CSMD1: variants seen among roughly 807,000 people sequenced by gnomAD.
CSMD1 encodes CUB and sushi domain-containing protein 1.
A neutral mutation model predicts 417.5 loss-of-function variants in CSMD1; 213 were observed. That is an observed-to-expected ratio of 0.51 (90% CI 0.46 to 0.57). CSMD1 has a LOEUF of 0.57. Ranked by LOEUF, CSMD1 falls within the 20% of genes least tolerant of loss-of-function variation. The pLI, the probability that CSMD1 is intolerant of heterozygous loss-of-function variation, is 0.00. For missense variants in CSMD1, 6,923 were observed against 4,529.7 expected (o/e 1.53, Z -15.17); for synonymous variants, 2,862 against 1,736.8 (o/e 1.65, Z -16.11).
chr8:4,693,186 G>A (rs953154373), intron 1 of CSMD1, among the ~76,000 whole-genome samples: 1 of 152,208 alleles, frequency 6.6e-6, no homozygotes, highest in East Asian at 1.9e-4. Context: ...CAGTGTTTCA[G>A]TAATGAAATG....
chr8:3,234,615 C>A (rs766695319), intron 26 of CSMD1, among the ~76,000 whole-genome samples: 1 of 152,170 alleles, frequency 6.6e-6, no homozygotes, highest in South Asian at 2.1e-4. Flanking sequence ...GCTGCAAAGA[C>A]TGGAACACAG....
intron 1 of CSMD1, among the ~76,000 whole-genome samples, chr8:4,780,573 T>G (rs1797103968): frequency 6.7e-6 from 1 of 149,450 alleles, no homozygotes; most frequent in African/African-American, 2.4e-5. Flanking sequence ...TTATTTATAT[T>G]TATTTTTTTC....
chr8:4,007,024 G>C (rs1259915222), intron 4 of CSMD1, among the ~76,000 whole-genome samples: 2 of 151,814 alleles, frequency 1.3e-5, no homozygotes, highest in Non-Finnish European at 2.9e-5. Context: ...ATTTTTAGTA[G>C]AGACGGGGTT....
intron 1 of CSMD1, among the ~76,000 whole-genome samples, chr8:4,883,864 G>C (rs1803564176): frequency 6.6e-6 from 1 of 151,918 alleles, no homozygotes; most frequent in Non-Finnish European, 1.5e-5. Context: ...TGAAATTTCT[G>C]GGTCATATGG....
chr8:4,111,555 G>A (rs1438917885), intron 3 of CSMD1, among the ~76,000 whole-genome samples: 2 of 152,140 alleles, frequency 1.3e-5, no homozygotes, highest in Non-Finnish European at 2.9e-5. Context: ...TAAAGAAAAT[G>A]CAGTTCACAT....
intron 3 of CSMD1, among the ~76,000 whole-genome samples, chr8:4,256,653 C>A (rs1803474332): frequency 1.3e-5 from 2 of 152,164 alleles, no homozygotes; most frequent in Admixed American, 1.3e-4. Flanking sequence ...CCCCAAGTCA[C>A]AGATGGCTAA....
chr8:3,405,891 T>C (rs918226512), intron 15 of CSMD1, 136 bp downstream of exon 15: 8 of 755,116 alleles, frequency 1.1e-5, no homozygotes, highest in Non-Finnish European at 1.5e-5. Flanking sequence ...TGTACACTCC[T>C]GTTGGTTAAG....
intron 3 of CSMD1, among the ~76,000 whole-genome samples, chr8:4,224,158 A>G (rs370347696): frequency 2.0e-4 from 31 of 152,268 alleles, no homozygotes; most frequent in Middle Eastern, 3.4e-3. Flanking sequence ...CGCTTACTAC[A>G]CATAATCACA....
intron 32 of CSMD1, among the ~76,000 whole-genome samples, chr8:3,200,012 G>C (rs1796910617): frequency 6.6e-6 from 1 of 152,114 alleles, no homozygotes; most frequent in South Asian, 2.1e-4. Context: ...CAGTGCATTT[G>C]ATTAAAATAT....
intron 3 of CSMD1, among the ~76,000 whole-genome samples, chr8:4,098,895 C>A (rs968904114): frequency 6.6e-6 from 1 of 152,134 alleles, no homozygotes; most frequent in East Asian, 1.9e-4. Flanking sequence ...TGAGGACCAA[C>A]TGTGGGTTAG....
At chr8:3,383,777 G>A (rs1810791149) in intron 18 of CSMD1, among the ~76,000 whole-genome samples, 1 of 151,952 alleles carries the variant, frequency 6.6e-6, no homozygotes, top group African/African-American at 2.4e-5. Context: ...TATAAGAGAT[G>A]ATACATCAAT....
At chr8:4,752,570 C>T (rs944478613) in intron 1 of CSMD1, among the ~76,000 whole-genome samples, 9 of 151,964 alleles carry the variant, frequency 5.9e-5, no homozygotes, top group Non-Finnish European at 1.0e-4. Flanking sequence ...AGAGTGAAAA[C>T]GAAGTGAATT....
chr8:4,790,844 A>G (rs1358717104), intron 1 of CSMD1, among the ~76,000 whole-genome samples: 2 of 152,246 alleles, frequency 1.3e-5, no homozygotes, highest in African/African-American at 2.4e-5. Context: ...AACATGAATT[A>G]AAGACTTAAA....
In CSMD1 at chr8:4,826,353, G is replaced by C. The variant is rs541257390; in HGVS notation, c.85+167979C>G. Among the ~76,000 whole-genome samples, 4 of 152,180 alleles carry C rather than the reference G, an allele frequency of 2.6e-5. No homozygotes were observed. The South Asian group carries it at 8.3e-4, about 32-fold the overall frequency. ...TACATATAATACATATATAATTACAGCTTTTTCCACTTTTTAAAAGACGCA... is the reference window on the plus strand; with the variant it reads ...TACATATAATACATATATAATTACACCTTTTTCCACTTTTTAAAAGACGCA... On this transcript the variant is annotated intron_variant, in intron 1 of 69. Transcript: ENST00000635120.
At chr8:4,861,425 G>A (rs1036601852) in intron 1 of CSMD1, among the ~76,000 whole-genome samples, 21 of 152,094 alleles carry the variant, frequency 1.4e-4, no homozygotes, top group African/African-American at 4.4e-4. Context: ...AACATGTGAA[G>A]AAAGCGACCA....
intron 3 of CSMD1, among the ~76,000 whole-genome samples, chr8:4,415,236 C>T (rs1219083930): frequency 1.3e-5 from 2 of 152,132 alleles, no homozygotes; most frequent in African/African-American, 4.8e-5. Flanking sequence ...TGAACTCAGC[C>T]TCCATCAACT....
At chr8:3,361,554 A>C (rs1016472934) in intron 20 of CSMD1, among the ~76,000 whole-genome samples, 1 of 146,924 alleles carries the variant, frequency 6.8e-6, no homozygotes, top group African/African-American at 2.5e-5. Flanking sequence ...CGGGAGGCCG[A>C]GGCAGAAGAA....
intron 2 of CSMD1, among the ~76,000 whole-genome samples, chr8:4,503,224 G>GTGT (rs1802349441): frequency 6.6e-6 from 1 of 152,076 alleles, no homozygotes; most frequent in Non-Finnish European, 1.5e-5. Flanking sequence ...AAAGTCTACA[G>GTGT]CGTCATAGTG....
chr8:2,937,454 A>AAAAAAAAAAC lies in CSMD1; in HGVS notation c.*1121_*1130dup, dbSNP rs1563163142. On this transcript the variant is annotated 3_prime_UTR_variant, in exon 70 of 70. Coordinates refer to ENST00000635120, the MANE Select transcript of CSMD1 (RefSeq NM_033225.6). ...GTAAAAGACAAAAAAAAAAAAAAAC[A>AAAAAAAAAAC]AAAAAAAAACACTGCAAAAGGGAAG... is the stretch of plus-strand genomic sequence containing the variant. 8.1e-3 allele frequency: 565 copies of AAAAAAAAAAC among 69,528 alleles called. No individual in the cohort carries two copies. Among genetic ancestry groups the AAAAAAAAAAC allele is most frequent in the Non-Finnish European group, 0.011 (384 of 36,044 alleles). The allele number at this position is 69,528 out of a possible 1,614,324, so 4.3% of individuals were successfully genotyped here. A position where few individuals can be genotyped will look rare whatever the true frequency, so the allele number is the denominator to read the frequency against.
Sources: gnomAD v4.1 joint callset for allele counts (sites outside exome capture counted in the v4.1 genomes callset) on GRCh38, gnomAD v4.1.1 for gene constraint, MANE v1.5 for transcripts, NCBI Gene and HGNC (gene_info 2026-07-23, HGNC 2026-07-21) for gene names.